Variants in TRIM61 observed in about 807,000 individuals in gnomAD.
TRIM61 encodes the protein tripartite motif containing 61, also known as putative tripartite motif-containing protein 61.
Under a neutral mutation model 14.2 loss-of-function variants are expected in TRIM61, and 1 was observed. The observed-to-expected ratio is 0.07, with a 90% CI of 0.03 to 0.33. The LOEUF is 0.33. Among genes scored for constraint, TRIM61 ranks in the 10% least tolerant of loss-of-function variants. TRIM61 has a pLI of 0.99. For synonymous variants in TRIM61, 8 were observed against 71.6 expected (o/e 0.11, Z 4.49); for missense variants, 19 against 202.2 (o/e 0.09, Z 5.49).
chr4:164,968,678 T>C (rs1252825904), intron 3 of TRIM61: 24 of 985,234 alleles, frequency 2.4e-5, no homozygotes, highest in Non-Finnish European at 2.4e-5. Context: ...AAAATTATCA[T>C]TAAAAGTATA....
At chr4:164,968,653 C>A (rs377386983) in intron 3 of TRIM61, 1 of 985,272 alleles carries the variant, frequency 1.0e-6, no homozygotes, top group East Asian at 1.1e-4. Context: ...AAAAATAAGG[C>A]CAAAGTGCTC....
At chr4:164,966,492 C>T (rs558538938) in intron 3 of TRIM61, among the ~76,000 whole-genome samples, 5 of 152,160 alleles carry the variant, frequency 3.3e-5, no homozygotes, top group Admixed American at 2.6e-4. Context: ...AAAGTAAATA[C>T]CAAAAGAGCT....
At chr4:164,967,300 T>C (rs143111621) in intron 3 of TRIM61, among the ~76,000 whole-genome samples, 21 of 152,358 alleles carry the variant, frequency 1.4e-4, no homozygotes, top group African/African-American at 4.8e-4. Flanking sequence ...TTCTCCGTAT[T>C]AATCTAAAAA....
intron 3 of TRIM61, among the ~76,000 whole-genome samples, chr4:164,960,397 GA>G (rs918523112): frequency 1.0e-3 from 153 of 149,786 alleles, no homozygotes; most frequent in African/African-American, 3.5e-3. Flanking sequence ...ACAAAAAAAA[GA>G]AAAAAAAATA....
intron 2 of TRIM61, among the ~76,000 whole-genome samples, chr4:164,974,376 G>A (rs1414838181): frequency 1.3e-5 from 2 of 151,972 alleles, no homozygotes; most frequent in African/African-American, 4.8e-5. Context: ...CCTCCATATT[G>A]GCAAGTTCAG....
chr4:164,957,482 T>C (rs1259533845), intron 3 of TRIM61: 3 of 1,612,896 alleles, frequency 1.9e-6, no homozygotes, highest in Non-Finnish European at 2.5e-6. Flanking sequence ...CCCGCTGGGC[T>C]CACCTGTCCT....
chr4:164,973,594 G>A (rs1407879653), intron 2 of TRIM61, among the ~76,000 whole-genome samples: 2 of 152,192 alleles, frequency 1.3e-5, no homozygotes, highest in African/African-American at 4.8e-5. Context: ...CTAGCTACAT[G>A]TACTTGGTCA....
chr4:164,965,673 T>C (rs1026129193), intron 3 of TRIM61, among the ~76,000 whole-genome samples: 4 of 152,102 alleles, frequency 2.6e-5, no homozygotes, highest in Non-Finnish European at 4.4e-5. Flanking sequence ...GGCCTCATGA[T>C]CTGCCTGCCT....
chr4:164,955,579 A>C (rs1034034352), intron 3 of TRIM61, among the ~76,000 whole-genome samples: 1 of 151,876 alleles, frequency 6.6e-6, no homozygotes, highest in Non-Finnish European at 1.5e-5. Context: ...AAAAAAAAAA[A>C]AAAAAAAAAA....
At chr4:164,970,749 C>T (rs931606670) in intron 2 of TRIM61, among the ~76,000 whole-genome samples, 7 of 152,088 alleles carry the variant, frequency 4.6e-5, no homozygotes, top group African/African-American at 7.2e-5. Context: ...ATAAATACAA[C>T]GTGTGACCCC....
chr4:164,972,695 T>C (rs1479029858), intron 2 of TRIM61, among the ~76,000 whole-genome samples: 1 of 152,182 alleles, frequency 6.6e-6, no homozygotes, highest in Non-Finnish European at 1.5e-5. Context: ...CGCCATGTTG[T>C]CCAGGCTGGT....
Position 164,955,068 on chromosome 4 carries a change from TC to T in TRIM61, c.553del (p.Glu185SerfsTer27). Reference sequence around the variant, plus strand: ...GTGAGCCGAGATCGTGCAACTGCACTCCAGCCTGGTGACAGAAGGAGACTCC... The same window carrying T: ...GTGAGCCGAGATCGTGCAACTGCACTCAGCCTGGTGACAGAAGGAGACTCC... On this transcript the variant is annotated frameshift_variant, in exon 4 of 5. Transcript: ENST00000329314. LOFTEE classifies it high-confidence loss of function. 5.4e-6 allele frequency: 1 copy of T among 183,494 alleles called. No individual in the cohort carries two copies. Among genetic ancestry groups the T allele is most frequent in the South Asian group, 6.7e-5 (1 of 14,894 alleles). 11.4% of individuals were successfully genotyped at this position (183,494 alleles called of 1,614,324 possible).
chr4:164,968,135 G>A (rs987797585), intron 3 of TRIM61, 146 bp downstream of exon 3: 11 of 981,712 alleles, frequency 1.1e-5, no homozygotes, highest in Non-Finnish European at 1.1e-5. Context: ...CCTGGGCAAC[G>A]AAAAAAGGGG....
rs2111148464 is a variant in TRIM61 at position 164,970,286 on chromosome 4, AAAGTC to A, written c.-289_-285del. ...TGCTGCTCTTCCCACTAAATGAAAT[AAAGTC>A]AAGTTTTCTTCAAGAAAGCAGCCTC... On this transcript the variant is annotated 5_prime_UTR_variant, in exon 3 of 5. An upstream open reading frame in the 5' UTR loses its in-frame stop. Transcript: ENST00000329314. 1 of 327,686 alleles carries A rather than the reference AAAGTC, an allele frequency of 3.1e-6. No homozygotes were observed. The highest frequency in any genetic ancestry group is 2.1e-5 in the African/African-American group (1 of 47,552). The allele number at this position is 327,686 out of a possible 1,614,324, so 20.3% of individuals were successfully genotyped here.
chr4:164,957,393 T>A, intron 3 of TRIM61: 1 of 1,613,642 alleles, frequency 6.2e-7, no homozygotes, highest in East Asian at 2.2e-5. Context: ...CCAGGAAAAG[T>A]CAGGAAGAGA....
At chr4:164,966,859 G>A (rs946702290) in intron 3 of TRIM61, among the ~76,000 whole-genome samples, 2 of 152,200 alleles carry the variant, frequency 1.3e-5, no homozygotes, top group African/African-American at 2.4e-5. Flanking sequence ...CCCAGGAGGC[G>A]GAGGTTGCAG....
chr4:164,975,689 A>G (rs1323955915), intron 2 of TRIM61, among the ~76,000 whole-genome samples: 1 of 152,184 alleles, frequency 6.6e-6, no homozygotes, highest in African/African-American at 2.4e-5. Context: ...GCGGAAAGCC[A>G]CAGGGACCTC....
At chr4:164,956,263 A>C (rs1731987906) in intron 3 of TRIM61, among the ~76,000 whole-genome samples, 1 of 152,030 alleles carries the variant, frequency 6.6e-6, no homozygotes, top group Non-Finnish European at 1.5e-5. Context: ...ACAGGGTTTC[A>C]CCATGTTGGC....
At chr4:164,957,276 C>G in intron 3 of TRIM61, 1 of 1,614,182 alleles carries the variant, frequency 6.2e-7, no homozygotes, top group African/African-American at 1.3e-5. Context: ...ATCGTTTTCT[C>G]CGCGTGCCCT....
Sources: allele counts gnomAD v4.1 joint callset (sites outside exome capture counted in the v4.1 genomes callset), GRCh38; gene constraint gnomAD v4.1.1; transcripts MANE v1.5; gene names NCBI Gene and HGNC (gene_info 2026-07-23, HGNC 2026-07-21).